Variants in STIM2 observed in about 807,000 individuals in gnomAD.
STIM2 encodes the protein stromal interaction molecule 2.
In STIM2, 31 loss-of-function variants were observed where a neutral mutation model predicts 85.8. The observed-to-expected ratio is 0.36, with a 90% confidence interval of 0.27 to 0.49. STIM2 has a LOEUF of 0.49. Ranked by LOEUF, STIM2 falls within the 20% of genes least tolerant of loss-of-function variation. The pLI, the probability that STIM2 is intolerant of heterozygous loss-of-function variation, is 0.98. For synonymous variants in STIM2, 356 were observed against 331.1 expected, an observed-to-expected ratio of 1.08 and a Z score of -0.82; for missense variants, 841 against 927.6, an observed-to-expected ratio of 0.91 and a Z score of 1.21.
intron 2 of STIM2, among the ~76,000 whole-genome samples, chr4:26,940,582 G>A (rs560297721): frequency 5.3e-5 from 8 of 152,168 alleles, no homozygotes; most frequent in East Asian, 3.9e-4. Context: ...TACCTACAAC[G>A]GAGGCTTAGT....
At position 26,860,940 on chromosome 4, in the gene STIM2, T is replaced by G; in HGVS notation, c.-279T>G. 2 of 1,172,494 alleles carry G rather than the reference T, an allele frequency of 1.7e-6. No homozygotes were observed. Among genetic ancestry groups the G allele is most frequent in the Non-Finnish European group, 1.1e-6 (1 of 937,232 alleles). The allele number at this position is 1,172,494 out of a possible 1,614,324, so 72.6% of individuals were successfully genotyped here. ...ACCCCCCACCTTTTTTTTTTTTTTTTTTAAATAACCGGAACCAATGAACGC... is the reference window on the plus strand; with the variant it reads ...ACCCCCCACCTTTTTTTTTTTTTTTGTTAAATAACCGGAACCAATGAACGC... On this transcript the variant is annotated 5_prime_UTR_variant, in exon 1 of 12. Coordinates refer to ENST00000467087, the MANE Select transcript of STIM2 (RefSeq NM_020860.4).
At chr4:26,922,824 TG>T (rs1724855108) in intron 2 of STIM2, among the ~76,000 whole-genome samples, 1 of 152,150 alleles carries the variant, frequency 6.6e-6, no homozygotes, top group African/African-American at 2.4e-5. Flanking sequence ...GGTTGGTGGA[TG>T]GGGGCAATAG....
At chr4:26,869,847 C>G (rs1722546377) in intron 1 of STIM2, among the ~76,000 whole-genome samples, 1 of 151,042 alleles carries the variant, frequency 6.6e-6, no homozygotes, top group Non-Finnish European at 1.5e-5. Context: ...TTAGAGATAT[C>G]TGCACTGCTA....
intron 1 of STIM2, among the ~76,000 whole-genome samples, chr4:26,886,543 A>C (rs1723258221): frequency 6.6e-6 from 1 of 152,196 alleles, no homozygotes; most frequent in Non-Finnish European, 1.5e-5. Context: ...AGACAGAGGG[A>C]TGAGACCCTT....
intron 3 of STIM2, among the ~76,000 whole-genome samples, chr4:26,979,145 T>A (rs1305727251): frequency 6.6e-6 from 1 of 152,192 alleles, no homozygotes; most frequent in Non-Finnish European, 1.5e-5. Flanking sequence ...CTATTACAGA[T>A]TTTTACTATT....
intron 3 of STIM2, among the ~76,000 whole-genome samples, chr4:26,994,099 A>C (rs1727864831): frequency 6.6e-6 from 1 of 152,012 alleles, no homozygotes; most frequent in South Asian, 2.1e-4. Context: ...ATTTAGTCTA[A>C]AGATCATCTG....
At chr4:26,906,966 CAAAAA>C (rs33976513) in intron 1 of STIM2, among the ~76,000 whole-genome samples, 1 of 116,610 alleles carries the variant, frequency 8.6e-6, no homozygotes, top group African/African-American at 3.1e-5. Context: ...GACTCCGTCT[CAAAAA>C]AAAAAAAAAA....
Position 26,861,210 on chromosome 4 carries a change from T to A in STIM2, c.-9T>A. 6.8e-7 allele frequency: 1 copy of A among 1,470,580 alleles called. No homozygotes were observed. The highest frequency in any genetic ancestry group is 1.3e-5 in the South Asian group (1 of 77,650). The allele number at this position is 1,470,580 out of a possible 1,614,324, so 91.1% of individuals were successfully genotyped here. On this transcript the variant is annotated 5_prime_UTR_variant, in exon 1 of 12. Transcript: ENST00000467087. ...GGGCTGGCTGCTGCGGCGGCGGCGC[T>A]GGGCTGCGTTGCTGGTGCTCGGGCT...
intron 1 of STIM2, among the ~76,000 whole-genome samples, chr4:26,905,589 G>A (rs941468833): frequency 6.6e-6 from 1 of 152,132 alleles, no homozygotes; most frequent in Non-Finnish European, 1.5e-5. Flanking sequence ...GTCAACTGAT[G>A]TGCTTAGTCC....
intron 3 of STIM2, among the ~76,000 whole-genome samples, chr4:26,994,737 T>C (rs1727894229): frequency 6.6e-6 from 1 of 152,142 alleles, no homozygotes; most frequent in South Asian, 2.1e-4. Flanking sequence ...GAAGGCTTTT[T>C]TTTACAGCCT....
chr4:26,909,432 T>C (rs113606874), intron 1 of STIM2, among the ~76,000 whole-genome samples: 8 of 152,320 alleles, frequency 5.3e-5, no homozygotes, highest in African/African-American at 1.9e-4. Flanking sequence ...TTGAAAGTTC[T>C]TTTTTTCTCT....
At chr4:26,991,488 A>G (rs1727763671) in intron 3 of STIM2, among the ~76,000 whole-genome samples, 1 of 152,104 alleles carries the variant, frequency 6.6e-6, no homozygotes, top group South Asian at 2.1e-4. Context: ...GGTAGAAGTA[A>G]TAAGTTCTAG....
At chr4:26,880,129 T>C (rs1347070509) in intron 1 of STIM2, among the ~76,000 whole-genome samples, 6 of 152,240 alleles carry the variant, frequency 3.9e-5, no homozygotes. Flanking sequence ...ATCTGGCCCC[T>C]GTCTACCTTT....
intron 1 of STIM2, among the ~76,000 whole-genome samples, chr4:26,881,982 T>TC (rs1723031142): frequency 6.6e-6 from 1 of 152,238 alleles, no homozygotes; most frequent in South Asian, 2.1e-4. Context: ...TACTGACAGA[T>TC]TGCTTTCTGG....
chr4:26,950,993 A>G (rs1726028422), intron 2 of STIM2, among the ~76,000 whole-genome samples: 1 of 152,134 alleles, frequency 6.6e-6, no homozygotes, highest in South Asian at 2.1e-4. Context: ...AACTCAACTG[A>G]TGTAATTTTA....
Position 26,861,251 on chromosome 4 carries a change from G to T in STIM2, c.33G>T (p.Ala11=). Residue 11 remains alanine, a synonymous_variant, in exon 1 of 12, where the codon GCG becomes GCT. Transcript: ENST00000467087. ...TGCTCGGGCTGCTGGTAGCCGGAGC[G>T]GCGGACGGATGCGAGCTTGTGCCCC... is the stretch of plus-strand genomic sequence containing the variant. The T allele has an allele frequency of 6.7e-7, 1 of 1,485,634 alleles. No individual in the cohort carries two copies. Among genetic ancestry groups the T allele is most frequent in the East Asian group, 2.9e-5 (1 of 34,354 alleles). 92.0% of individuals were successfully genotyped at this position (1,485,634 alleles called of 1,614,324 possible).
chr4:26,904,230 TTTTG>T (rs375816216), intron 1 of STIM2, among the ~76,000 whole-genome samples: 5 of 151,866 alleles, frequency 3.3e-5, no homozygotes, highest in Admixed American at 1.3e-4. Flanking sequence ...CTGGCAGGTT[TTTTG>T]TTTGTTTCTT....
At chr4:26,965,988 T>A (rs1193664074) in intron 3 of STIM2, among the ~76,000 whole-genome samples, 1 of 152,158 alleles carries the variant, frequency 6.6e-6, no homozygotes, top group Non-Finnish European at 1.5e-5. Context: ...CATGTGAAGC[T>A]TTTCTTATGA....
chr4:26,906,448 T>G (rs1175532035), intron 1 of STIM2, among the ~76,000 whole-genome samples: 2 of 140,438 alleles, frequency 1.4e-5, no homozygotes, highest in Non-Finnish European at 3.3e-5. Context: ...TTGTTTTTTT[T>G]TTTTTTTTTT....
Sources: gnomAD v4.1 joint callset for allele counts (sites outside exome capture counted in the v4.1 genomes callset) on GRCh38, gnomAD v4.1.1 for gene constraint, MANE v1.5 for transcripts, NCBI Gene and HGNC (gene_info 2026-07-23, HGNC 2026-07-21) for gene names.